The following ACMSD variants were observed in gnomAD, a reference collection of about 807,000 sequenced individuals.
ACMSD encodes the protein 2-amino-3-carboxymuconate-6-semialdehyde decarboxylase.
Under a neutral mutation model 45.9 loss-of-function variants are expected in ACMSD, and 37 were observed. The ratio of observed to expected loss-of-function variants is 0.81; its 90% CI spans 0.62 to 1.06. ACMSD has a LOEUF of 1.06. Among genes scored for constraint, ACMSD ranks in the 50% least tolerant of loss-of-function variants. ACMSD has a pLI of 0.00. For missense variants in ACMSD, 434 were observed against 420.9 expected, an observed-to-expected ratio of 1.03 and a Z score of -0.27; for synonymous variants, 138 against 148.8, an observed-to-expected ratio of 0.93 and a Z score of 0.53.
chr2:134,838,825 T>A (rs1265104971), intron 1 of ACMSD, 86 bp downstream of exon 1: 1 of 1,066,468 alleles, frequency 9.4e-7, no homozygotes, highest in Non-Finnish European at 1.4e-6. Flanking sequence ...ATTAGATGTC[T>A]AGTTTATCTG....
chr2:134,868,439 G>A (rs1199771746), intron 6 of ACMSD, among the ~76,000 whole-genome samples: 1 of 147,428 alleles, frequency 6.8e-6, no homozygotes, highest in Non-Finnish European at 1.5e-5. Flanking sequence ...GAAAAGTGCT[G>A]GATATTTTTT....
Position 134,863,499 on chromosome 2 carries a change from C to T in ACMSD, c.354C>T (p.Pro118=). The T allele has an allele frequency of 6.2e-7, 1 of 1,614,220 alleles. No individual in the cohort carries two copies. ...GGTTCGTGGGTCTGGGGACGTTGCC[C>T]ATGCAGGCCCCTGAGCTGGCGGTCA... The part of the protein sequence containing the change: ...PRRFVGLGTL[P]MQAPELAVKE... Residue 118 remains proline, a synonymous_variant, in exon 5 of 10, where the codon CCC becomes CCT. Coordinates refer to ENST00000356140, the MANE Select transcript of ACMSD (RefSeq NM_138326.3).
chr2:134,842,371 C>T (rs73962605), intron 1 of ACMSD, among the ~76,000 whole-genome samples: 369 of 152,246 alleles, frequency 2.4e-3, no homozygotes, highest in African/African-American at 8.5e-3. Flanking sequence ...GGGAGGGACA[C>T]AGAGGGACAA....
rs1211260643 is a variant in ACMSD, at chr2:134,859,284, T to G, written c.126T>G (p.Asp42Glu). 1 of 1,613,950 alleles carries G rather than the reference T, an allele frequency of 6.2e-7. No individual in the cohort carries two copies. The change falls in exon 3 of 10, where the codon GAT (aspartate) becomes GAG (glutamate). Residue 42 changes from aspartate (D) to glutamate (E), a missense_variant. Physicochemically the swap from Asp to Glu is conservative, Grantham distance 45 (BLOSUM62 2). Coordinates refer to ENST00000356140, the MANE Select transcript of ACMSD (RefSeq NM_138326.3). ...AGGGAGAAGCAAAGTTGTTGAAAGA[T>G]GGGAAAGTCTTCAGAGTGGTGCGAG... ...HSKGEAKLLK[D>E]GKVFRVVREN...
rs1006164389 is a variant in ACMSD at position 134,847,389 on chromosome 2, T to G, written c.102+2112T>G. On this transcript the variant is annotated intron_variant, in intron 2 of 9. Coordinates refer to ENST00000356140, the MANE Select transcript of ACMSD (RefSeq NM_138326.3). ...AGTGGGGAACCACTAAAGAGTTTTT[T>G]GGGGATACAGATAGATAGATAGATA... is the stretch of plus-strand genomic sequence containing the variant. Among the ~76,000 whole-genome samples, 5 of 145,708 alleles carry G rather than the reference T, an allele frequency of 3.4e-5. No individual in the cohort carries two copies. In the East Asian group the frequency reaches 1.0e-3, roughly 30 times the overall value.
intron 3 of ACMSD, chr2:134,859,583 C>T (rs564365684): frequency 1.3e-5 from 5 of 393,744 alleles, no homozygotes; most frequent in South Asian, 2.2e-4. Flanking sequence ...AAATAGAATG[C>T]TATATCATGA....
At chr2:134,851,476 C>G (rs889261478) in intron 2 of ACMSD, among the ~76,000 whole-genome samples, 1 of 151,968 alleles carries the variant, frequency 6.6e-6, no homozygotes, top group South Asian at 2.1e-4. Context: ...AGGAGTCTCA[C>G]TCTGTCTCCC....
At chr2:134,887,302 G>T (rs1474025955) in intron 8 of ACMSD, among the ~76,000 whole-genome samples, 1 of 152,148 alleles carries the variant, frequency 6.6e-6, no homozygotes, top group Admixed American at 6.5e-5. Flanking sequence ...GACCTCAAGG[G>T]TTACTACAGA....
intron 8 of ACMSD, among the ~76,000 whole-genome samples, chr2:134,885,319 A>AAAT (rs1689310433): frequency 9.7e-6 from 1 of 103,164 alleles, no homozygotes; most frequent in South Asian, 2.5e-4. Context: ...ATATATATAT[A>AAAT]AATATATATG....
Position 134,870,980 on chromosome 2 carries a change from C to T in ACMSD, c.596C>T (p.Thr199Ile), listed in dbSNP as rs747265677. 6 of 1,614,046 alleles carry T rather than the reference C, an allele frequency of 3.7e-6. No homozygotes were observed. The Admixed American group carries it at 1.0e-4, about 27-fold the overall frequency. The change falls in exon 7 of 10, where the codon ACC becomes ATC. Residue 199 changes from threonine (T) to isoleucine (I), a missense_variant. Coordinates refer to ENST00000356140, the MANE Select transcript of ACMSD (RefSeq NM_138326.3). ...LPWLVGMPAETTIAICSMIMG... is the reference protein window; with the variant it reads ...LPWLVGMPAEITIAICSMIMG... ...CCTCTTTCAGGAATGCCAGCAGAGA[C>T]CACCATAGCCATTTGCTCCATGATC... is the stretch of plus-strand genomic sequence containing the variant.
chr2:134,843,600 A>G (rs2104809790), intron 1 of ACMSD, among the ~76,000 whole-genome samples: 1 of 152,188 alleles, frequency 6.6e-6, no homozygotes, highest in Non-Finnish European at 1.5e-5. Context: ...CCTGCACCAC[A>G]GCATGAGAAC....
intron 7 of ACMSD, among the ~76,000 whole-genome samples, chr2:134,872,011 C>T (rs1573669388): frequency 1.3e-5 from 2 of 148,972 alleles, no homozygotes; most frequent in African/African-American, 5.0e-5. Context: ...GGCTGGAGTG[C>T]AGTGGTGCAA....
At position 134,898,438 on chromosome 2, in the gene ACMSD, AG is replaced by A; in HGVS notation, c.948+1del. ...ATGGAAGAATTTGATGAAGAAACAA[AG>A]GTATAATGTCTTTTACTTCACGGCT... ...ESMEEFDEET[K>X]NKLKAGNALA... On this transcript the variant is annotated frameshift_variant and splice_region_variant, in exon 9 of 10. Coordinates refer to ENST00000356140, the MANE Select transcript of ACMSD (RefSeq NM_138326.3). LOFTEE classifies it high-confidence loss of function. The A allele has an allele frequency of 6.3e-7, 1 of 1,585,590 alleles. No individual in the cohort carries two copies. Among genetic ancestry groups the A allele is most frequent in the Non-Finnish European group, 8.6e-7 (1 of 1,167,834 alleles).
chr2:134,845,100 G>C (rs144250726), intron 1 of ACMSD, 133 bp from the exon 2 acceptor site: 1 of 811,264 alleles, frequency 1.2e-6, no homozygotes, highest in Non-Finnish European at 2.1e-6. Flanking sequence ...CTAAATAGGC[G>C]ATACATGGGT....
chr2:134,872,220 G>A (rs1424459195), intron 7 of ACMSD, among the ~76,000 whole-genome samples: 1 of 152,136 alleles, frequency 6.6e-6, no homozygotes, highest in Non-Finnish European at 1.5e-5. Flanking sequence ...GCCTCCCAAA[G>A]TGCTAGGATT....
chr2:134,872,769 A>G (rs922288736), intron 8 of ACMSD, 128 bp downstream of exon 8: 42 of 1,163,248 alleles, frequency 3.6e-5, no homozygotes, highest in Admixed American at 6.2e-5. Context: ...GGAGAGAGAC[A>G]GTGAGGTTTG....
chr2:134,901,528 G>T (rs1446160348), intron 9 of ACMSD, among the ~76,000 whole-genome samples: 1 of 152,066 alleles, frequency 6.6e-6, no homozygotes, highest in Non-Finnish European at 1.5e-5. Flanking sequence ...GCTGTTAGAG[G>T]GTCCAGTTTC....
At chr2:134,845,301 C>T in intron 2 of ACMSD, 24 bp downstream of exon 2, 1 of 1,613,992 alleles carries the variant, frequency 6.2e-7, no homozygotes, top group Non-Finnish European at 8.5e-7. Context: ...AAAGTATGAA[C>T]ATCAGTAGCA....
chr2:134,894,050 G>C (rs994319759), intron 8 of ACMSD, among the ~76,000 whole-genome samples: 1 of 152,016 alleles, frequency 6.6e-6, no homozygotes, highest in African/African-American at 2.4e-5. Context: ...CCTAGGACTT[G>C]GCCTTGAGAG....
Sources: allele counts gnomAD v4.1 joint callset (sites outside exome capture counted in the v4.1 genomes callset), GRCh38; gene constraint gnomAD v4.1.1; transcripts MANE v1.5; gene names NCBI Gene and HGNC (gene_info 2026-07-23, HGNC 2026-07-21).